The following IL7 variants were observed in gnomAD, a reference collection of about 807,000 sequenced individuals.
IL7 encodes the protein interleukin 7.
Under a neutral mutation model 21.6 loss-of-function variants are expected in IL7, and 3 were observed. The observed-to-expected ratio is 0.14, with a 90% CI of 0.06 to 0.36. The LOEUF (loss-of-function observed/expected upper bound fraction) is 0.36, where lower values mean the gene tolerates loss of function less well. IL7 is among the 10% of genes least tolerant of loss of function. The pLI, the probability that IL7 is intolerant of heterozygous loss-of-function variation, is 1.00. For synonymous variants in IL7, 62 were observed against 68.1 expected, an observed-to-expected ratio of 0.91 and a Z score of 0.44; for missense variants, 175 against 200.2, an observed-to-expected ratio of 0.87 and a Z score of 0.76.
At chr8:78,754,846 C>T (rs1328615866) in intron 2 of IL7, among the ~76,000 whole-genome samples, 2 of 152,086 alleles carry the variant, frequency 1.3e-5, no homozygotes, top group African/African-American at 2.4e-5. Flanking sequence ...AATACAGTCA[C>T]ATTTGTTTCT....
intron 3 of IL7, among the ~76,000 whole-genome samples, chr8:78,696,603 G>A (rs1233878940): frequency 6.6e-6 from 1 of 152,244 alleles, no homozygotes; most frequent in Non-Finnish European, 1.5e-5. Context: ...TAATAAAGAT[G>A]TCTCTTTAGA....
intron 2 of IL7, among the ~76,000 whole-genome samples, chr8:78,789,909 G>A (rs1369116821): frequency 6.6e-6 from 1 of 152,114 alleles, no homozygotes; most frequent in African/African-American, 2.4e-5. Flanking sequence ...AAATGTGATG[G>A]CAATTAGTTG....
At position 78,711,137 on chromosome 8, in the gene IL7, A is replaced by G. The variant is rs898349612; in HGVS notation, n.214+10211T>C. Reference sequence around the variant, plus strand: ...ATGAGTGAGCAAATATCTCTTAAAAAGAACAGACTTTTAAAGTTAACAAGC... The same window carrying G: ...ATGAGTGAGCAAATATCTCTTAAAAGGAACAGACTTTTAAAGTTAACAAGC... On this transcript the variant is annotated intron_variant and non_coding_transcript_variant, in intron 3 of 4. Coordinates refer to the IL7 transcript ENST00000523959. Among the ~76,000 whole-genome samples the G allele has an allele frequency of 2.6e-5, 4 of 152,150 alleles. No individual in the cohort carries two copies. In the South Asian group the frequency reaches 6.2e-4, roughly 24 times the overall value.
In IL7 at chr8:78,779,243, G is replaced by T. The variant is rs111971896; in HGVS notation, c.147+18829C>A. Reference sequence around the variant, plus strand: ...CTACCTTTATTTGTTTCTTTTGCCTGATTGCCCTGGCCAGAACTTCCAATA... The same window carrying T: ...CTACCTTTATTTGTTTCTTTTGCCTTATTGCCCTGGCCAGAACTTCCAATA... On this transcript the variant is annotated intron_variant, in intron 2 of 5. Coordinates refer to ENST00000263851, the MANE Select transcript of IL7 (RefSeq NM_000880.4). Among the ~76,000 whole-genome samples, 520 of 152,256 alleles carry T rather than the reference G, an allele frequency of 3.4e-3. 3 individuals carry two copies. The highest frequency in any genetic ancestry group is 0.012 in the African/African-American group (486 of 41,548).
At chr8:78,803,829 C>T (rs1032844682) in intron 1 of IL7, among the ~76,000 whole-genome samples, 4 of 152,148 alleles carry the variant, frequency 2.6e-5, no homozygotes, top group African/African-American at 9.7e-5. Flanking sequence ...TCTTTCCGCT[C>T]TCTCTATCTT....
chr8:78,751,371 C>A (rs1254661755), intron 2 of IL7, among the ~76,000 whole-genome samples: 1 of 152,086 alleles, frequency 6.6e-6, no homozygotes, highest in Non-Finnish European at 1.5e-5. Context: ...GAGTAAAAAA[C>A]CAGTGTTTAA....
intron 2 of IL7, among the ~76,000 whole-genome samples, chr8:78,758,612 C>T (rs1362547407): frequency 1.3e-5 from 2 of 152,040 alleles, no homozygotes; most frequent in African/African-American, 4.8e-5. Flanking sequence ...TAAAGGATAG[C>T]TTTCCTGGGC....
At chr8:78,780,974 C>T (rs2130807729) in intron 2 of IL7, among the ~76,000 whole-genome samples, 1 of 152,274 alleles carries the variant, frequency 6.6e-6, no homozygotes, top group Admixed American at 6.5e-5. Flanking sequence ...GAACCCTTTA[C>T]AATTATGTAA....
At chr8:78,678,792 GA>G (rs1809668974) in intron 4 of IL7, 1 of 586,894 alleles carries the variant, frequency 1.7e-6, no homozygotes, top group East Asian at 3.2e-5. Context: ...GCTACATTAA[GA>G]TTAAAGAATA....
intron 5 of IL7, among the ~76,000 whole-genome samples, chr8:78,735,862 T>C (rs879336504): frequency 6.6e-6 from 1 of 152,118 alleles, no homozygotes; most frequent in Non-Finnish European, 1.5e-5. Flanking sequence ...GTGCTCATTT[T>C]TCCATGCCTC....
intron 2 of IL7, among the ~76,000 whole-genome samples, chr8:78,749,892 C>G (rs1040076057): frequency 6.6e-6 from 1 of 151,974 alleles, no homozygotes; most frequent in Non-Finnish European, 1.5e-5. Flanking sequence ...AAAAAATTAG[C>G]CATGCATGGT....
At chr8:78,755,551 A>G (rs1812318980) in intron 2 of IL7, among the ~76,000 whole-genome samples, 1 of 151,702 alleles carries the variant, frequency 6.6e-6, no homozygotes, top group Non-Finnish European at 1.5e-5. Flanking sequence ...CCTTGGTTAA[A>G]TTTATTTCTA....
At chr8:78,684,639 A>G (rs1809902141) in intron 4 of IL7, among the ~76,000 whole-genome samples, 1 of 152,220 alleles carries the variant, frequency 6.6e-6, no homozygotes, top group South Asian at 2.1e-4. Context: ...AGAAATTACT[A>G]CAAACAACAG....
At chr8:78,717,503 CAAAAA>C, downstream of IL7, 1 of 1,256,618 alleles carries the variant, frequency 8.0e-7, no homozygotes, top group South Asian at 2.0e-5. Flanking sequence ...AATAGAATCT[CAAAAA>C]AAAAAAAAAG....
chr8:78,797,984 A>T lies in IL7; in HGVS notation c.147+88T>A. On this transcript the variant is annotated intron_variant, in intron 2 of 5. Transcript: ENST00000263851. The stretch of plus-strand genomic sequence containing the variant: ...TTACTTCACTTTCTTGTCAAGAAAG[A>T]TGAATACTTGATTATAAAACTGCAT... 7 of 1,001,278 alleles carry T rather than the reference A, an allele frequency of 7.0e-6. No individual in the cohort carries two copies. The South Asian group carries it at 7.7e-5, about 11-fold the overall frequency. The allele number at this position is 1,001,278 out of a possible 1,614,324, so 62.0% of individuals were successfully genotyped here.
In IL7 at chr8:78,732,963, G is replaced by A. The variant is rs1033121002; in HGVS notation, c.*750C>T. The A allele has an allele frequency of 6.6e-6, 1 of 151,624 alleles. No homozygotes were observed. The highest frequency in any genetic ancestry group is 1.5e-5 in the Non-Finnish European group (1 of 67,878). 9.4% of individuals were successfully genotyped at this position (151,624 alleles called of 1,614,324 possible). On this transcript the variant is annotated 3_prime_UTR_variant, in exon 6 of 6. Transcript: ENST00000263851. Reference sequence around the variant, plus strand: ...CCAAATTGCAAACTTATTTAGACAAGTTATAATCTATATAAATGACAATGT... The same window carrying A: ...CCAAATTGCAAACTTATTTAGACAAATTATAATCTATATAAATGACAATGT...
intron 5 of IL7, chr8:78,719,811 T>C (rs1406002870): frequency 6.6e-6 from 1 of 151,780 alleles, no homozygotes; most frequent in Non-Finnish European, 1.5e-5. Flanking sequence ...CATAGAAAGA[T>C]AGGAACCTAA....
intron 2 of IL7, chr8:78,760,933 T>C: frequency 6.4e-7 from 1 of 1,557,472 alleles, no homozygotes; most frequent in Non-Finnish European, 8.7e-7. Flanking sequence ...CCTGGAGGTT[T>C]TTCCCAAAGG....
chr8:78,720,461 T>G (rs916445448), intron 5 of IL7, among the ~76,000 whole-genome samples: 2 of 151,850 alleles, frequency 1.3e-5, no homozygotes, highest in African/African-American at 4.8e-5. Flanking sequence ...CTCCTCATTT[T>G]AAACACAGTT....
Sources: allele counts gnomAD v4.1 joint callset (sites outside exome capture counted in the v4.1 genomes callset), GRCh38; gene constraint gnomAD v4.1.1; transcripts MANE v1.5; gene names NCBI Gene and HGNC (gene_info 2026-07-23, HGNC 2026-07-21).